IL1RAPL2: variants seen among roughly 807,000 people sequenced by gnomAD.
IL1RAPL2 encodes X-linked interleukin-1 receptor accessory protein-like 2.
A neutral mutation model predicts 44.1 loss-of-function variants in IL1RAPL2; 3 were observed. That is an observed-to-expected ratio of 0.07 (90% CI 0.03 to 0.18). The LOEUF is 0.18. Among genes scored for constraint, IL1RAPL2 ranks in the 10% least tolerant of loss-of-function variants. IL1RAPL2 has a pLI of 1.00. For missense variants in IL1RAPL2, 391 were observed against 496.4 expected (o/e 0.79, Z 2.02); for synonymous variants, 181 against 178.8 (o/e 1.01, Z -0.10).
chrX:105,021,032 G>C (rs143376728), intron 2 of IL1RAPL2, among the ~76,000 whole-genome samples: 13 of 111,747 alleles, frequency 1.2e-4, no homozygotes, highest in African/African-American at 4.2e-4. Context: ...AAATCAGTTG[G>C]CATCTGGTTT....
intron 8 of IL1RAPL2, among the ~76,000 whole-genome samples, chrX:105,742,085 C>G (rs2070002853): frequency 9.0e-6 from 1 of 111,461 alleles, no homozygotes; most frequent in Admixed American, 9.6e-5. Context: ...CAATCAGAGC[C>G]TGCTGCTATA....
chrX:105,525,016 A>G (rs2036586706), intron 6 of IL1RAPL2, among the ~76,000 whole-genome samples: 1 of 111,706 alleles, frequency 9.0e-6, no homozygotes, highest in Non-Finnish European at 1.9e-5. Context: ...ATTTTTTTCC[A>G]AATAAACATT....
intron 2 of IL1RAPL2, among the ~76,000 whole-genome samples, chrX:105,107,494 T>C (rs2032755529): frequency 8.9e-6 from 1 of 112,447 alleles, no homozygotes; most frequent in African/African-American, 3.2e-5. Flanking sequence ...GACGAATTAA[T>C]GAATGTCAGT....
At chrX:105,256,282 T>C (rs2034313771) in intron 4 of IL1RAPL2, among the ~76,000 whole-genome samples, 1 of 110,818 alleles carries the variant, frequency 9.0e-6, no homozygotes, top group Admixed American at 9.6e-5. Flanking sequence ...GTCCTGGGCC[T>C]TTGTTTTTCT....
intron 2 of IL1RAPL2, among the ~76,000 whole-genome samples, chrX:104,694,353 G>A (rs781613851): frequency 8.9e-6 from 1 of 112,055 alleles, no homozygotes; most frequent in Non-Finnish European, 1.9e-5. Context: ...AACAGGACAC[G>A]TGGACAATAG....
At chrX:104,582,753 T>C (rs977715253) in intron 1 of IL1RAPL2, among the ~76,000 whole-genome samples, 5 of 99,511 alleles carry the variant, frequency 5.0e-5, no homozygotes, top group African/African-American at 7.6e-5. Flanking sequence ...TCCTTCCTTC[T>C]TTCTTTCTTT....
intron 2 of IL1RAPL2, among the ~76,000 whole-genome samples, chrX:104,925,399 C>T (rs1392012184): frequency 9.1e-6 from 1 of 110,098 alleles, no homozygotes; most frequent in Non-Finnish European, 1.9e-5. Flanking sequence ...GAGACACACA[C>T]AAGAAAACTT....
chrX:105,155,796 G>A (rs2033263889), intron 2 of IL1RAPL2, among the ~76,000 whole-genome samples: 1 of 111,442 alleles, frequency 9.0e-6, no homozygotes, highest in Non-Finnish European at 1.9e-5. Flanking sequence ...GTTTCCTTGA[G>A]AGGCTGAATT....
chrX:105,615,180 C>A (rs1277670566), intron 6 of IL1RAPL2, among the ~76,000 whole-genome samples: 1 of 111,599 alleles, frequency 9.0e-6, no homozygotes, highest in Non-Finnish European at 1.9e-5. Context: ...CAGCCAATAA[C>A]AAATGCTGGC....
At chrX:105,719,256 G>C (rs1018002039) in intron 7 of IL1RAPL2, among the ~76,000 whole-genome samples, 1 of 111,274 alleles carries the variant, frequency 9.0e-6, no homozygotes, top group African/African-American at 3.3e-5. Context: ...AGTGAACCTT[G>C]AAAATGTTCT....
chrX:105,400,628 A>G (rs941783071), intron 5 of IL1RAPL2, among the ~76,000 whole-genome samples: 1 of 111,211 alleles, frequency 9.0e-6, no homozygotes, highest in African/African-American at 3.3e-5. Flanking sequence ...TGGTGATGAC[A>G]CAAGTGCATG....
At chrX:105,134,034 T>C (rs1037572152) in intron 2 of IL1RAPL2, among the ~76,000 whole-genome samples, 9 of 111,800 alleles carry the variant, frequency 8.1e-5, no homozygotes, top group Non-Finnish European at 1.5e-4. Flanking sequence ...ACATTATAGC[T>C]TTGTGTTTGT....
Position 104,979,483 on chromosome X carries a change from T to C in IL1RAPL2, c.83-215992T>C, listed in dbSNP as rs1430778875. 2.7e-5 allele frequency among the ~76,000 whole-genome samples: 3 copies of C among 111,252 alleles called. No homozygotes were observed. The East Asian group carries it at 8.5e-4, about 31-fold the overall frequency. ...TTAAAAATTCTACACAGAACAAATA[T>C]ATAAAAGGGGAAATTCTGGGAAATA... On this transcript the variant is annotated intron_variant, in intron 2 of 10. Transcript: ENST00000372582.
intron 2 of IL1RAPL2, among the ~76,000 whole-genome samples, chrX:104,739,533 T>C (rs1483365172): frequency 1.8e-5 from 2 of 111,743 alleles, no homozygotes; most frequent in Non-Finnish European, 3.8e-5. Context: ...GAACCACTGA[T>C]TTCACTCTTA....
intron 2 of IL1RAPL2, among the ~76,000 whole-genome samples, chrX:104,760,282 A>C (rs1026094095): frequency 4.5e-5 from 5 of 112,015 alleles, no homozygotes; most frequent in Non-Finnish European, 7.5e-5. Context: ...ATTTCATTTC[A>C]TGTAGGTATA....
intron 6 of IL1RAPL2, among the ~76,000 whole-genome samples, chrX:105,581,922 G>A (rs1245497091): frequency 1.8e-5 from 2 of 111,399 alleles, no homozygotes; most frequent in Admixed American, 1.9e-4. Context: ...GATTTAGTTT[G>A]ATAGGATGAT....
intron 2 of IL1RAPL2, among the ~76,000 whole-genome samples, chrX:104,703,272 G>A (rs937604172): frequency 1.1e-4 from 12 of 111,054 alleles, no homozygotes; most frequent in African/African-American, 1.6e-4. Flanking sequence ...CATAGGACAC[G>A]GGTTTGTGTA....
intron 2 of IL1RAPL2, among the ~76,000 whole-genome samples, chrX:105,114,824 G>T (rs749708778): frequency 8.9e-6 from 1 of 111,959 alleles, no homozygotes; most frequent in East Asian, 2.8e-4. Context: ...ACTTGGAATT[G>T]CTCCTCCCCT....
At chrX:105,755,921 G>A (rs2038634508) in intron 10 of IL1RAPL2, among the ~76,000 whole-genome samples, 1 of 111,780 alleles carries the variant, frequency 8.9e-6, no homozygotes, top group Admixed American at 9.5e-5. Flanking sequence ...ACACATTGAA[G>A]ACTATATTGA....
Sources: gnomAD v4.1 joint callset for allele counts (sites outside exome capture counted in the v4.1 genomes callset) on GRCh38, gnomAD v4.1.1 for gene constraint, MANE v1.5 for transcripts, NCBI Gene and HGNC (gene_info 2026-07-23, HGNC 2026-07-21) for gene names.